ARNT2: variants seen among roughly 807,000 people sequenced by gnomAD.
ARNT2 encodes aryl hydrocarbon receptor nuclear translocator 2.
ARNT2 carries 36 observed loss-of-function variants against 91.7 expected under a neutral mutation model. That is an observed-to-expected ratio of 0.39 (90% CI 0.30 to 0.52). ARNT2 has a LOEUF of 0.52. ARNT2 is among the 20% of genes least tolerant of loss of function. The pLI is 0.72. For missense variants in ARNT2, 775 were observed against 939.3 expected (o/e 0.83, Z 2.29); for synonymous variants, 365 against 347.1 (o/e 1.05, Z -0.57).
At chr15:80,563,889 G>T (rs569697708) in intron 12 of ARNT2, among the ~76,000 whole-genome samples, 1 of 152,310 alleles carries the variant, frequency 6.6e-6, no homozygotes, top group East Asian at 1.9e-4. Context: ...TCATAAGGTT[G>T]CTGTAAAGAT....
intron 5 of ARNT2, among the ~76,000 whole-genome samples, chr15:80,479,638 G>A (rs1201843147): frequency 6.6e-6 from 1 of 152,132 alleles, no homozygotes; most frequent in Non-Finnish European, 1.5e-5. Context: ...TTTTGTTCAA[G>A]GCCTCATCCA....
chr15:80,444,873 G>C (rs111169342), intron 1 of ARNT2: 2,407 of 152,110 alleles, frequency 0.016, 86 homozygotes, highest in African/African-American at 0.056. Flanking sequence ...TGGTGTGTGT[G>C]GTGTGTTGGT....
chr15:80,501,297 A>G (rs960991505), intron 5 of ARNT2, among the ~76,000 whole-genome samples: 1 of 152,206 alleles, frequency 6.6e-6, no homozygotes, highest in African/African-American at 2.4e-5. Context: ...GAGGTTTGTG[A>G]TGAAATTCTT....
chr15:80,561,776 T>C lies in ARNT2; in HGVS notation c.1165-1312T>C, dbSNP rs192029049. ...AGTAGTCTCTTAGCCACCTCAGTTA[T>C]GAGATCAACAGTATCTTAAGACTTG... is the stretch of plus-strand genomic sequence containing the variant. On this transcript the variant is annotated intron_variant, in intron 11 of 18. Transcript: ENST00000303329. Among the ~76,000 whole-genome samples the C allele has an allele frequency of 3.8e-4, 58 of 152,362 alleles. No individual in the cohort carries two copies. In the East Asian group the frequency reaches 0.011, roughly 28 times the overall value.
intron 10 of ARNT2, among the ~76,000 whole-genome samples, chr15:80,554,434 T>A (rs557077983): frequency 6.6e-6 from 1 of 152,250 alleles, no homozygotes; most frequent in Admixed American, 6.5e-5. Context: ...ATAAAATAAA[T>A]TTTAAAAAAT....
intron 8 of ARNT2, among the ~76,000 whole-genome samples, chr15:80,528,668 T>A (rs1441500891): frequency 6.6e-6 from 1 of 152,048 alleles, no homozygotes. Flanking sequence ...TCTTGTTAGA[T>A]CCCAGGAGAG....
chr15:80,477,964 G>A (rs923157954), intron 5 of ARNT2, among the ~76,000 whole-genome samples: 1 of 152,192 alleles, frequency 6.6e-6, no homozygotes, highest in African/African-American at 2.4e-5. Flanking sequence ...AAGGTGTAAA[G>A]ACAGTGTCTT....
intron 4 of ARNT2, among the ~76,000 whole-genome samples, chr15:80,473,977 C>T (rs1203965257): frequency 6.6e-6 from 1 of 152,138 alleles, no homozygotes; most frequent in Non-Finnish European, 1.5e-5. Flanking sequence ...TCCTCTGGAG[C>T]CTGAACAGTA....
intron 5 of ARNT2, among the ~76,000 whole-genome samples, chr15:80,493,677 T>C (rs1897086478): frequency 6.6e-6 from 1 of 152,220 alleles, no homozygotes. Context: ...AAACTTCTAG[T>C]AGGGAACTCT....
intron 11 of ARNT2, among the ~76,000 whole-genome samples, chr15:80,559,854 G>A (rs1272807326): frequency 6.6e-6 from 1 of 152,214 alleles, no homozygotes; most frequent in Non-Finnish European, 1.5e-5. Flanking sequence ...CTTGGCCTTG[G>A]CCATCTACCG....
intron 9 of ARNT2, among the ~76,000 whole-genome samples, chr15:80,552,040 C>A (rs1898090066): frequency 6.6e-6 from 1 of 152,152 alleles, no homozygotes; most frequent in Non-Finnish European, 1.5e-5. Flanking sequence ...TTCATTCTCC[C>A]TAGGACATTG....
intron 1 of ARNT2, among the ~76,000 whole-genome samples, chr15:80,431,200 C>CT (rs1431911521): frequency 1.3e-5 from 2 of 152,196 alleles, no homozygotes; most frequent in East Asian, 3.9e-4. Flanking sequence ...AGGCCACAGC[C>CT]TTGGGCCTTG....
chr15:80,535,455 G>A (rs1188124570), intron 8 of ARNT2, among the ~76,000 whole-genome samples: 1 of 152,158 alleles, frequency 6.6e-6, no homozygotes, highest in East Asian at 1.9e-4. Context: ...TAGTTTGTGG[G>A]GGAGAGGAAT....
At position 80,537,153 on chromosome 15, in the gene ARNT2, AC is replaced by A. The variant is rs769436235; in HGVS notation, c.878-14044del. Among the ~76,000 whole-genome samples, 315 of 152,230 alleles carry A rather than the reference AC, an allele frequency of 2.1e-3. 2 individuals carry two copies. Among genetic ancestry groups the A allele is most frequent in the Middle Eastern group, 3.4e-3 (1 of 294 alleles). On this transcript the variant is annotated intron_variant, in intron 8 of 18. Transcript: ENST00000303329. ...ATGAGTCCTGCTCCAAGGAACCTTC[AC>A]CAGTTCTGCCACCAGCTTCTCAGCC... is the stretch of plus-strand genomic sequence containing the variant.
rs902460720 is a variant in ARNT2, at chr15:80,597,518, C to T, written c.*3820C>T. The T allele has an allele frequency of 3.2e-6, 1 of 313,402 alleles. No individual in the cohort carries two copies. Among genetic ancestry groups the T allele is most frequent in the Non-Finnish European group, 6.4e-6 (1 of 157,100 alleles). 19.4% of individuals were successfully genotyped at this position (313,402 alleles called of 1,614,324 possible). A position where few individuals can be genotyped will look rare whatever the true frequency, so the allele number is the denominator to read the frequency against. Reference sequence around the variant, plus strand: ...TGGAGTCTGGGGCAACTTAAGGAGGCACCACACAGTGGTGCAGGCACATTT... The same window carrying T: ...TGGAGTCTGGGGCAACTTAAGGAGGTACCACACAGTGGTGCAGGCACATTT... On this transcript the variant is annotated 3_prime_UTR_variant, in exon 19 of 19. Coordinates refer to ENST00000303329, the MANE Select transcript of ARNT2 (RefSeq NM_014862.4).
chr15:80,436,415 G>A (rs1430946768), intron 1 of ARNT2: 2 of 154,480 alleles, frequency 1.3e-5, no homozygotes, highest in Non-Finnish European at 2.9e-5. Flanking sequence ...CACAGCAAGT[G>A]AGGGATTCTA....
At chr15:80,575,176 A>G in intron 14 of ARNT2, 66 bp downstream of exon 14, 1 of 1,590,824 alleles carries the variant, frequency 6.3e-7, no homozygotes, top group Admixed American at 1.7e-5. Context: ...GGCCATCTAC[A>G]GACAGCTACT....
chr15:80,575,438 G>A (rs928583465), intron 14 of ARNT2, among the ~76,000 whole-genome samples: 1 of 152,142 alleles, frequency 6.6e-6, no homozygotes, highest in Non-Finnish European at 1.5e-5. Flanking sequence ...GAGAGCCCTG[G>A]GCACCCTCGA....
intron 8 of ARNT2, among the ~76,000 whole-genome samples, chr15:80,538,912 T>C (rs1419535353): frequency 6.6e-6 from 1 of 152,114 alleles, no homozygotes; most frequent in Non-Finnish European, 1.5e-5. Context: ...TAAAAGTTTA[T>C]GAACAAATAG....
Sources: gnomAD v4.1 joint callset for allele counts (sites outside exome capture counted in the v4.1 genomes callset) on GRCh38, gnomAD v4.1.1 for gene constraint, MANE v1.5 for transcripts, NCBI Gene and HGNC (gene_info 2026-07-23, HGNC 2026-07-21) for gene names.